PDE3A: variants seen among roughly 807,000 people sequenced by gnomAD.
PDE3A encodes cGMP-inhibited 3',5'-cyclic phosphodiesterase 3A.
PDE3A carries 43 observed loss-of-function variants against 98.3 expected under a neutral mutation model. That is an observed-to-expected ratio of 0.44 (90% confidence interval 0.34 to 0.56). The LOEUF is 0.56. Among genes scored for constraint, PDE3A ranks in the 20% least tolerant of loss-of-function variants. The probability of loss-of-function intolerance (pLI) is 0.01; values close to 1 mark genes in which losing one functional copy is unlikely to be tolerated. For missense variants in PDE3A, 1,427 were observed against 1,440.7 expected, an observed-to-expected ratio of 0.99 and a Z score of 0.15; for synonymous variants, 663 against 567.9, an observed-to-expected ratio of 1.17 and a Z score of -2.38.
At chr12:20,548,874 G>GA (rs1942126761) in intron 1 of PDE3A, among the ~76,000 whole-genome samples, 1 of 152,034 alleles carries the variant, frequency 6.6e-6, no homozygotes, top group Admixed American at 6.6e-5. Context: ...CTTTCTCTTT[G>GA]AAATAATATC....
intron 1 of PDE3A, among the ~76,000 whole-genome samples, chr12:20,443,594 T>A (rs1363874567): frequency 1.3e-5 from 2 of 152,196 alleles, no homozygotes; most frequent in Non-Finnish European, 2.9e-5. Context: ...CTCTTTTCGT[T>A]TGCTGTGTGT....
chr12:20,399,067 A>T (rs1476527240), intron 1 of PDE3A, among the ~76,000 whole-genome samples: 4 of 152,086 alleles, frequency 2.6e-5, no homozygotes, highest in Non-Finnish European at 1.5e-5. Flanking sequence ...GAGTGGATTC[A>T]TGATGTTTGT....
intron 3 of PDE3A, among the ~76,000 whole-genome samples, chr12:20,614,813 T>C (rs1022520415): frequency 6.6e-6 from 1 of 152,126 alleles, no homozygotes; most frequent in Non-Finnish European, 1.5e-5. Flanking sequence ...AGGTGACATA[T>C]AATTCACTTC....
intron 1 of PDE3A, among the ~76,000 whole-genome samples, chr12:20,470,353 A>T (rs1168282440): frequency 6.6e-6 from 1 of 152,120 alleles, no homozygotes; most frequent in African/African-American, 2.4e-5. Context: ...TGAGGCTCTG[A>T]GTTCAGTGGG....
At chr12:20,389,867 A>G (rs1943881603) in intron 1 of PDE3A, among the ~76,000 whole-genome samples, 1 of 151,920 alleles carries the variant, frequency 6.6e-6, no homozygotes. Flanking sequence ...TATGTTTTAC[A>G]TTCTCACGTG....
intron 15 of PDE3A, among the ~76,000 whole-genome samples, chr12:20,661,967 G>A (rs1945181872): frequency 6.6e-6 from 1 of 152,102 alleles, no homozygotes; most frequent in African/African-American, 2.4e-5. Flanking sequence ...CATGTGCCTG[G>A]AAAAGCCACA....
intron 1 of PDE3A, among the ~76,000 whole-genome samples, chr12:20,386,166 T>A (rs1943790117): frequency 1.1e-5 from 1 of 92,364 alleles, no homozygotes; most frequent in Admixed American, 1.7e-4. Context: ...TATATATAAA[T>A]ATATAAAAAT....
chr12:20,657,950 T>G (rs977027675), intron 15 of PDE3A, among the ~76,000 whole-genome samples: 1 of 152,226 alleles, frequency 6.6e-6, no homozygotes, highest in Non-Finnish European at 1.5e-5. Context: ...GAGTGTTTGC[T>G]ACAACTGTGA....
chr12:20,369,702 C>T lies in PDE3A; in HGVS notation c.418C>T (p.Leu140=), dbSNP rs775502767. 21 of 1,612,074 alleles carry T rather than the reference C, an allele frequency of 1.3e-5. No homozygotes were observed. In the South Asian group the frequency reaches 2.2e-4, roughly 17 times the overall value. ...LQPSALLFSL[L]CAFFWMGLYL... is the part of the protein sequence containing the mutation. ...GCCCTCGGCGCTGCTCTTCAGTCTC[C>T]TGTGTGCCTTCTTCTGGATGGGCTT... Residue 140 remains leucine (L), a synonymous_variant, in exon 1 of 16, where the codon CTG becomes TTG. Transcript: ENST00000359062.
chr12:20,523,171 G>C (rs1206681116), intron 1 of PDE3A, among the ~76,000 whole-genome samples: 1 of 152,088 alleles, frequency 6.6e-6, no homozygotes, highest in African/African-American at 2.4e-5. Flanking sequence ...CAGCATCCTA[G>C]ACCAATCCCA....
chr12:20,396,347 C>G (rs1470304853), intron 1 of PDE3A, among the ~76,000 whole-genome samples: 2 of 152,128 alleles, frequency 1.3e-5, no homozygotes, highest in African/African-American at 4.8e-5. Flanking sequence ...CATGTTGATG[C>G]CTTTATCGCC....
chr12:20,456,346 C>G (rs533944319), intron 1 of PDE3A, among the ~76,000 whole-genome samples: 21 of 152,052 alleles, frequency 1.4e-4, no homozygotes, highest in South Asian at 1.0e-3. Flanking sequence ...ATATATCATA[C>G]CACCAAGGAG....
At chr12:20,635,780 T>C (rs1026173607) in intron 8 of PDE3A, among the ~76,000 whole-genome samples, 2 of 148,790 alleles carry the variant, frequency 1.3e-5, no homozygotes, top group Admixed American at 1.3e-4. Context: ...AAGAAATTAA[T>C]CTCTGAAACA....
At chr12:20,497,892 G>T (rs1945949082) in intron 1 of PDE3A, among the ~76,000 whole-genome samples, 1 of 152,148 alleles carries the variant, frequency 6.6e-6, no homozygotes, top group African/African-American at 2.4e-5. Flanking sequence ...TTCTGCTGCT[G>T]TGATGACTTT....
At chr12:20,377,696 T>A (rs1943596986) in intron 1 of PDE3A, among the ~76,000 whole-genome samples, 1 of 151,802 alleles carries the variant, frequency 6.6e-6, no homozygotes, top group Non-Finnish European at 1.5e-5. Context: ...CTATTTGCCC[T>A]TTTTTCTTCA....
chr12:20,595,821 G>A (rs1367413835), intron 2 of PDE3A, among the ~76,000 whole-genome samples: 3 of 151,988 alleles, frequency 2.0e-5, no homozygotes, highest in Non-Finnish European at 4.4e-5. Context: ...TTGCTTATTT[G>A]TTTTTATGGC....
chr12:20,437,573 T>C (rs1459086117), intron 1 of PDE3A, among the ~76,000 whole-genome samples: 2 of 152,038 alleles, frequency 1.3e-5, no homozygotes. Context: ...GGAGCAGGTG[T>C]GTCACATGGC....
At chr12:20,441,327 G>A (rs1188479616) in intron 1 of PDE3A, among the ~76,000 whole-genome samples, 2 of 152,126 alleles carry the variant, frequency 1.3e-5, no homozygotes, top group Non-Finnish European at 2.9e-5. Flanking sequence ...TGAAGGGTGA[G>A]TGGAATTTGA....
At chr12:20,643,875 C>T (rs1313912922) in intron 10 of PDE3A, among the ~76,000 whole-genome samples, 5 of 151,736 alleles carry the variant, frequency 3.3e-5, no homozygotes, top group African/African-American at 9.7e-5. Flanking sequence ...TGGGCCTGGG[C>T]CTTGGGGTGG....
Sources: gnomAD v4.1 joint callset for allele counts (sites outside exome capture counted in the v4.1 genomes callset) on GRCh38, gnomAD v4.1.1 for gene constraint, MANE v1.5 for transcripts, NCBI Gene and HGNC (gene_info 2026-07-23, HGNC 2026-07-21) for gene names.